Variants in RHOF observed in about 807,000 individuals in gnomAD.
RHOF encodes the protein ras homolog family member F, filopodia associated.
In RHOF, 21 loss-of-function variants were observed where a neutral mutation model predicts 22.2. The observed-to-expected ratio is 0.95, with a 90% CI of 0.67 to 1.36. The LOEUF (loss-of-function observed/expected upper bound fraction) is 1.36. RHOF is among the 40% of genes most tolerant of loss of function. The probability of loss-of-function intolerance (pLI) is 0.00; values close to 1 mark genes in which losing one functional copy is unlikely to be tolerated. For synonymous variants in RHOF, 135 were observed against 131.2 expected (o/e 1.03, Z -0.20); for missense variants, 285 against 293.7 (o/e 0.97, Z 0.22).
intron 4 of RHOF, 83 bp from the exon 5 acceptor site, chr12:121,779,745 G>C: frequency 6.8e-7 from 1 of 1,464,598 alleles, no homozygotes; most frequent in Non-Finnish European, 9.4e-7. Context: ...GACTGGCTCT[G>C]AGGACTCTGC....
chr12:121,779,381 G>A lies in RHOF; in HGVS notation c.*117C>T, dbSNP rs958483960. On this transcript the variant is annotated 3_prime_UTR_variant, in exon 5 of 5. Transcript: ENST00000267205. ...AGTTCCAGAATGTTCCAAGAGTCTA[G>A]CCGCAGGCCCCAGACACCATGAGCT... The A allele has an allele frequency of 2.7e-6, 3 of 1,107,364 alleles. No individual in the cohort carries two copies. The highest frequency in any genetic ancestry group is 2.9e-4 in the Middle Eastern group (1 of 3,396). The allele number at this position is 1,107,364 out of a possible 1,614,324, so 68.6% of individuals were successfully genotyped here. A position where few individuals can be genotyped will look rare whatever the true frequency, so the allele number is the denominator to read the frequency against.
chr12:121,781,685 AC>A (rs1874464323), intron 2 of RHOF: 1 of 159,522 alleles, frequency 6.3e-6, no homozygotes, highest in Admixed American at 5.9e-5. Flanking sequence ...AAAGATTCAG[AC>A]CTGTGGGGCT....
At chr12:121,789,355 C>T (rs1219054642) in intron 2 of RHOF, among the ~76,000 whole-genome samples, 4 of 152,084 alleles carry the variant, frequency 2.6e-5, no homozygotes, top group East Asian at 1.9e-4. Context: ...TGCACTCAGG[C>T]GGTGCGGCAG....
intron 2 of RHOF, among the ~76,000 whole-genome samples, chr12:121,787,908 AAGGGG>A (rs1874652185): frequency 2.5e-5 from 1 of 39,428 alleles, no homozygotes; most frequent in Non-Finnish European, 4.8e-5. Context: ...AAAAAAAAAA[AAGGGG>A]GGGGGGGCGG....
chr12:121,779,623 G>A lies in RHOF; in HGVS notation c.511C>T (p.Leu171=). Residue 171 remains leucine (L), a synonymous_variant, in exon 5 of 5, where the codon CTG becomes TTG. Coordinates refer to ENST00000267205, the MANE Select transcript of RHOF (RefSeq NM_019034.3). The part of the protein sequence containing the change: ...ACEQIRAALY[L]ECSAKFRENV... ...TCCCGAAACTTGGCGGAACATTCCA[G>A]GTAGAGAGCAGCTCGGATCTGTTCG... 1 of 1,614,166 alleles carries A rather than the reference G, an allele frequency of 6.2e-7. No individual in the cohort carries two copies. The highest frequency in any genetic ancestry group is 1.6e-4 in the Middle Eastern group (1 of 6,062).
rs1159978018 is a variant in RHOF, at chr12:121,793,592, AC to A, written c.41del (p.Gly14ValfsTer7). 1.3e-6 allele frequency: 2 copies of A among 1,552,058 alleles called. No homozygotes were observed. The highest frequency in any genetic ancestry group is 1.4e-5 in the African/African-American group (1 of 73,582). On this transcript the variant is annotated frameshift_variant, in exon 1 of 5. Transcript: ENST00000267205. LOFTEE classifies it high-confidence loss of function. ...CGATCTTCAGCTCCTTCCTGCCCGG[AC>A]CGGGGGCGGCGGTCTGGGCCAGGGC... ...PGALAQTAAP[G>X]PGRKELKIVI...
chr12:121,789,268 A>G (rs1048937253), intron 2 of RHOF, among the ~76,000 whole-genome samples: 1 of 151,368 alleles, frequency 6.6e-6, no homozygotes, highest in African/African-American at 2.4e-5. Context: ...CAGGAATTAC[A>G]TGCAAAGGAT....
rs1453299904 is a variant in RHOF, at chr12:121,790,905, G to A, written c.226+2247C>T. On this transcript the variant is annotated intron_variant, in intron 2 of 4. Coordinates refer to ENST00000267205, the MANE Select transcript of RHOF (RefSeq NM_019034.3). ...TTTTTATTTTTTGAAACAGGGTCTC[G>A]CTCTGTTGCCCAGGCTGGAGTGCAG... Among the ~76,000 whole-genome samples, 4 of 152,222 alleles carry A rather than the reference G, an allele frequency of 2.6e-5. No homozygotes were observed. In the East Asian group the frequency reaches 7.7e-4, roughly 29 times the overall value.
chr12:121,782,557 G>GCC (rs1276102040), intron 2 of RHOF: 1 of 152,240 alleles, frequency 6.6e-6, no homozygotes, highest in African/African-American at 2.4e-5. Context: ...GCACCAGCCT[G>GCC]CCCCCCGTTC....
chr12:121,781,253 T>G, intron 2 of RHOF, 61 bp from the exon 3 acceptor site: 2 of 1,491,458 alleles, frequency 1.3e-6, no homozygotes, highest in Non-Finnish European at 1.9e-6. Context: ...CTCTGACGGG[T>G]GAAGGGGAAG....
rs140616857 is a variant in RHOF, at chr12:121,792,448, G to A, written c.226+704C>T. On this transcript the variant is annotated intron_variant, in intron 2 of 4. Coordinates refer to ENST00000267205, the MANE Select transcript of RHOF (RefSeq NM_019034.3). The stretch of plus-strand genomic sequence containing the variant: ...TTGCACATAAATCCGTAAACCACCC[G>A]TGGGGGCCTGCAGGTGGCAGGCAGA... 1.4e-4 allele frequency among the ~76,000 whole-genome samples: 21 copies of A among 152,304 alleles called. 1 individual carries two copies. In the East Asian group the frequency reaches 3.7e-3, roughly 27 times the overall value.
chr12:121,785,682 C>G (rs1416706390), intron 2 of RHOF, among the ~76,000 whole-genome samples: 1 of 152,102 alleles, frequency 6.6e-6, no homozygotes, highest in Non-Finnish European at 1.5e-5. Context: ...GCGATCTCAG[C>G]TCACTGCAAC....
intron 2 of RHOF, 38 bp downstream of exon 2, chr12:121,793,114 G>A: frequency 6.6e-7 from 1 of 1,525,046 alleles, no homozygotes; most frequent in Non-Finnish European, 8.9e-7. Context: ...CTTCGGGCGG[G>A]CGGACCCTCG....
intron 2 of RHOF, among the ~76,000 whole-genome samples, chr12:121,791,753 TA>T (rs1874770180): frequency 6.6e-6 from 1 of 152,132 alleles, no homozygotes; most frequent in African/African-American, 2.4e-5. Context: ...CGGGACCTGA[TA>T]GGGGAGGCCC....
At chr12:121,780,846 G>GC (rs1433890225) in intron 4 of RHOF, 26 bp downstream of exon 4, 1 of 1,605,676 alleles carries the variant, frequency 6.2e-7, no homozygotes, top group Non-Finnish European at 8.5e-7. Context: ...CCACGGCTGT[G>GC]CCCCAGGGTC....
At position 121,779,252 on chromosome 12, in the gene RHOF, G is replaced by C; in HGVS notation, c.*246C>G. On this transcript the variant is annotated 3_prime_UTR_variant, in exon 5 of 5. Coordinates refer to ENST00000267205, the MANE Select transcript of RHOF (RefSeq NM_019034.3). ...GGGTGGCTGTGATGAGGGCACTTGC[G>C]AGTCCCGACAACAGACACTGGCTCC... is the stretch of plus-strand genomic sequence containing the variant. The C allele has an allele frequency of 1.8e-6, 1 of 548,184 alleles. No homozygotes were observed. The allele number at this position is 548,184 out of a possible 1,614,324, so 34.0% of individuals were successfully genotyped here.
At chr12:121,787,585 C>T (rs751380177) in intron 2 of RHOF, among the ~76,000 whole-genome samples, 1 of 152,146 alleles carries the variant, frequency 6.6e-6, no homozygotes, top group African/African-American at 2.4e-5. Context: ...TGGTTAATAT[C>T]GACTCTCTTT....
At position 121,781,108 on chromosome 12, in the gene RHOF, G is replaced by A. The variant is rs1566531451; in HGVS notation, c.311C>T (p.Thr104Ile). 4 of 1,614,230 alleles carry A rather than the reference G, an allele frequency of 2.5e-6. No individual in the cohort carries two copies. Among genetic ancestry groups the A allele is most frequent in the Middle Eastern group, 1.6e-4 (1 of 6,062 alleles). ...VLICYDVMNP[T>I]SYDNVLIKWF... ...CTTGATGAGGACGTTGTCGTAGCTGGTGGGATTCATGACGTCATAGCAGAT... is the reference window on the plus strand; with the variant it reads ...CTTGATGAGGACGTTGTCGTAGCTGATGGGATTCATGACGTCATAGCAGAT... The change falls in exon 3 of 5, where the codon ACC becomes ATC. Residue 104 changes from threonine to isoleucine, a missense_variant. By Grantham distance (89) the Thr-to-Ile change is moderately conservative (BLOSUM62 -1). Transcript: ENST00000267205.
chr12:121,793,125 G>A (rs772139635), intron 2 of RHOF, 27 bp downstream of exon 2: 1 of 1,544,260 alleles, frequency 6.5e-7, no homozygotes, highest in East Asian at 2.4e-5. Context: ...CGGACCCTCG[G>A]GCCCCCCGGC....
Sources: gnomAD v4.1 joint callset for allele counts (sites outside exome capture counted in the v4.1 genomes callset) on GRCh38, gnomAD v4.1.1 for gene constraint, MANE v1.5 for transcripts, NCBI Gene and HGNC (gene_info 2026-07-23, HGNC 2026-07-21) for gene names.